The following KIRREL3 variants were observed in gnomAD, a reference collection of about 807,000 sequenced individuals.
The protein encoded by KIRREL3 is kin of IRRE-like protein 3.
Under a neutral mutation model 89.7 loss-of-function variants are expected in KIRREL3, and 36 were observed. The observed-to-expected ratio is 0.40, with a 90% CI of 0.31 to 0.53. The LOEUF is 0.53. Among genes scored for constraint, KIRREL3 ranks in the 20% least tolerant of loss-of-function variants. The probability of loss-of-function intolerance (pLI) is 0.49; values close to 1 mark genes in which losing one functional copy is unlikely to be tolerated. For synonymous variants in KIRREL3, 445 were observed against 441.4 expected (o/e 1.01, Z -0.10); for missense variants, 864 against 1,056.6 (o/e 0.82, Z 2.53).
chr11:126,979,147 ACT>A (rs1303398130), intron 1 of KIRREL3, among the ~76,000 whole-genome samples: 1 of 151,544 alleles, frequency 6.6e-6, no homozygotes, highest in Non-Finnish European at 1.5e-5. Context: ...CTCAGCAAAC[ACT>A]CTCTTTTTGT....
chr11:126,912,010 C>CAACTGGGAT lies in KIRREL3; in HGVS notation c.55+88436_55+88444dup, dbSNP rs1262747469. Among the ~76,000 whole-genome samples, 1 of 145,486 alleles carries CAACTGGGAT rather than the reference C, an allele frequency of 6.9e-6. No homozygotes were observed. Among genetic ancestry groups the CAACTGGGAT allele is most frequent in the African/African-American group, 2.6e-5 (1 of 39,196 alleles). ...AAAAAAAAAAAAAAAAAAAGAACGGCAACTGGGATGACTCAGTAGAGACTG... is the reference window on the plus strand; with the variant it reads ...AAAAAAAAAAAAAAAAAAAGAACGGCAACTGGGATAACTGGGATGACTCAGTAGAGACTG... On this transcript the variant is annotated intron_variant, in intron 1 of 16. Transcript: ENST00000525144. The surrounding 1 kb of genome is among the most constrained non-coding windows in gnomAD (Gnocchi z 4.7).
chr11:126,915,581 C>T (rs75596471), intron 1 of KIRREL3, among the ~76,000 whole-genome samples: 8,198 of 152,096 alleles, frequency 0.054, 284 homozygotes, highest in East Asian at 0.075. Context: ...TTTGTCCAAG[C>T]GAGACAGTAT....
chr11:126,913,392 T>C (rs1465509623), intron 1 of KIRREL3, among the ~76,000 whole-genome samples: 1 of 152,226 alleles, frequency 6.6e-6, no homozygotes, highest in East Asian at 1.9e-4. Context: ...ACTAATGAAA[T>C]GCAAGGGAGG....
chr11:126,945,126 G>C (rs958578814), intron 1 of KIRREL3: 3 of 152,218 alleles, frequency 2.0e-5, no homozygotes, highest in African/African-American at 4.8e-5. Context: ...CTTCGCTTTA[G>C]GTTTGCTTTG....
rs539242895 is a variant in KIRREL3, at chr11:126,500,562, A to C, written c.433+20753T>G. Among the ~76,000 whole-genome samples the C allele has an allele frequency of 2.0e-5, 3 of 152,316 alleles. No homozygotes were observed. In the South Asian group the frequency reaches 6.2e-4, roughly 32 times the overall value. On this transcript the variant is annotated intron_variant, in intron 4 of 16. Transcript: ENST00000525144. ...CGAGACCAGCCTGACCAACATGGTG[A>C]AACCCCGTCTCTACAAAAAGTACAA...
chr11:126,630,444 C>CTT (rs1943971189), intron 1 of KIRREL3, among the ~76,000 whole-genome samples: 1 of 149,500 alleles, frequency 6.7e-6, no homozygotes, highest in Non-Finnish European at 1.5e-5. Flanking sequence ...ATCTTTCCTC[C>CTT]TTTTGTTCCT....
intron 1 of KIRREL3, among the ~76,000 whole-genome samples, chr11:126,826,367 A>G (rs183854760): frequency 8.1e-4 from 124 of 152,340 alleles, no homozygotes; most frequent in African/African-American, 2.9e-3. Context: ...TGATTTCCTC[A>G]TCATGATTAC....
intron 1 of KIRREL3, among the ~76,000 whole-genome samples, chr11:126,926,952 C>T (rs1285238302): frequency 1.3e-5 from 2 of 152,308 alleles, no homozygotes; most frequent in South Asian, 4.1e-4. Flanking sequence ...TTATCCTGAG[C>T]CATGACAGCA....
At chr11:126,451,300 GC>G (rs1956125770) in intron 7 of KIRREL3, among the ~76,000 whole-genome samples, 1 of 148,006 alleles carries the variant, frequency 6.8e-6, no homozygotes, top group African/African-American at 2.5e-5. Flanking sequence ...GTGCATGTGT[GC>G]ATGTGTGTGC....
intron 1 of KIRREL3, among the ~76,000 whole-genome samples, chr11:126,861,512 C>T (rs1390750690): frequency 6.6e-6 from 1 of 152,132 alleles, no homozygotes; most frequent in African/African-American, 2.4e-5. Flanking sequence ...GCCAGTTGGC[C>T]AGGAGGTTTG....
rs147323261 is a variant in KIRREL3, at chr11:126,823,512, C to T, written c.55+176943G>A. 1.5e-3 allele frequency among the ~76,000 whole-genome samples: 223 copies of T among 152,202 alleles called. 1 individual carries two copies. The highest frequency in any genetic ancestry group is 5.1e-3 in the African/African-American group (210 of 41,538). On this transcript the variant is annotated intron_variant, in intron 1 of 16. Transcript: ENST00000525144. ...CTGGTCAGAATGGACCCTAAATGAG[C>T]TCATGTTTCTAAAGTGCTCTGAGCT...
Position 126,902,921 on chromosome 11 carries a change from A to G in KIRREL3, c.55+97534T>C, listed in dbSNP as rs953848965. ...TCTTTAAATAAACAGAGATCCAGAT[A>G]GCAAAATGCTACCATCCAATGTCTT... On this transcript the variant is annotated intron_variant, in intron 1 of 16. Coordinates refer to ENST00000525144, the MANE Select transcript of KIRREL3 (RefSeq NM_032531.4). Among the ~76,000 whole-genome samples, 4 of 152,244 alleles carry G rather than the reference A, an allele frequency of 2.6e-5. No individual in the cohort carries two copies. In the South Asian group the frequency reaches 8.3e-4, roughly 32 times the overall value.
chr11:126,716,762 A>AGGCC (rs1947983250), intron 1 of KIRREL3, among the ~76,000 whole-genome samples: 1 of 129,832 alleles, frequency 7.7e-6, no homozygotes, highest in African/African-American at 3.2e-5. Context: ...GGGGGGGGGA[A>AGGCC]GTGTGGGGGA....
chr11:126,886,535 T>G (rs1367311383), intron 1 of KIRREL3, among the ~76,000 whole-genome samples: 1 of 152,250 alleles, frequency 6.6e-6, no homozygotes, highest in Admixed American at 6.5e-5. Flanking sequence ...CCATGTTTTG[T>G]GCTACATTCC....
chr11:126,860,408 T>C lies in KIRREL3; in HGVS notation c.55+140047A>G, dbSNP rs954497392. Among the ~76,000 whole-genome samples the C allele has an allele frequency of 6.6e-6, 1 of 152,142 alleles. No individual in the cohort carries two copies. The highest frequency in any genetic ancestry group is 2.4e-5 in the African/African-American group (1 of 41,436). ...AGCTGGGAAAGTTATAGAAGTGATA[T>C]TTAAGAGCCTCAGGTGTTGGGAAGG... On this transcript the variant is annotated intron_variant, in intron 1 of 16. Coordinates refer to ENST00000525144, the MANE Select transcript of KIRREL3 (RefSeq NM_032531.4). The surrounding 1 kb of genome is among the most constrained non-coding windows in gnomAD (Gnocchi z 4.6).
In KIRREL3 at chr11:126,573,858, G is replaced by A. The variant is rs1443300631; in HGVS notation, c.56-10946C>T. 2.0e-5 allele frequency among the ~76,000 whole-genome samples: 3 copies of A among 152,110 alleles called. No homozygotes were observed. The South Asian group carries it at 6.2e-4, about 32-fold the overall frequency. On this transcript the variant is annotated intron_variant, in intron 1 of 16. Transcript: ENST00000525144. ...CCACAGGGTGGCAGCAGATCCGCGG[G>A]GGGACCTCTTGCTGGGGGGATATCG... is the stretch of plus-strand genomic sequence containing the variant.
rs1947528071 is a variant in KIRREL3, at chr11:126,923,265, TTCTCCTTCTCCTTCTCC to T, written c.55+77173_55+77189del. On this transcript the variant is annotated intron_variant, in intron 1 of 16. Transcript: ENST00000525144. Reference sequence around the variant, plus strand: ...CTTCTTCTTCTTCTTCTTCTTCTTCTTCTCCTTCTCCTTCTCCTTCTCCTTCTCCTTCTTCCTTCTCC... The same window carrying T: ...CTTCTTCTTCTTCTTCTTCTTCTTCTTTCTCCTTCTCCTTCTTCCTTCTCC... 5.7e-5 allele frequency among the ~76,000 whole-genome samples: 5 copies of T among 87,274 alleles called. 1 individual carries two copies. Among genetic ancestry groups the T allele is most frequent in the Admixed American group, 1.2e-4 (1 of 8,466 alleles). The allele number at this position is 87,274 out of a possible 152,430, so 57.3% of individuals were successfully genotyped here. A position where few individuals can be genotyped will look rare whatever the true frequency, so the allele number is the denominator to read the frequency against.
rs1376510201 is a variant in KIRREL3 at position 126,492,535 on chromosome 11, G to A, written c.434-19069C>T. Among the ~76,000 whole-genome samples, 1 of 152,194 alleles carries A rather than the reference G, an allele frequency of 6.6e-6. No individual in the cohort carries two copies. The highest frequency in any genetic ancestry group is 2.4e-5 in the African/African-American group (1 of 41,442). ...CGAGGGGCTAGGGGAGCATGGGGCTGGAGTGGGAAGGAGGAGGAGGAGGGA... is the reference window on the plus strand; with the variant it reads ...CGAGGGGCTAGGGGAGCATGGGGCTAGAGTGGGAAGGAGGAGGAGGAGGGA... On this transcript the variant is annotated intron_variant, in intron 4 of 16. Coordinates refer to ENST00000525144, the MANE Select transcript of KIRREL3 (RefSeq NM_032531.4). The surrounding 1 kb of genome is among the most constrained non-coding windows in gnomAD (Gnocchi z 4.8).
At chr11:126,798,698 T>C (rs930828944) in intron 1 of KIRREL3, among the ~76,000 whole-genome samples, 9 of 152,222 alleles carry the variant, frequency 5.9e-5, no homozygotes, top group African/African-American at 2.2e-4. Context: ...TCTAAGGTTC[T>C]AATGGATGGG....
Sources: allele counts gnomAD v4.1 joint callset (sites outside exome capture counted in the v4.1 genomes callset), GRCh38; gene constraint gnomAD v4.1.1; non-coding constraint Gnocchi (gnomAD v3.1); transcripts MANE v1.5; gene names NCBI Gene and HGNC (gene_info 2026-07-23, HGNC 2026-07-21).